Variants in SLC2A9 observed in about 807,000 individuals in gnomAD.
The protein encoded by SLC2A9 is solute carrier family 2, facilitated glucose transporter member 9.
SLC2A9 carries 39 observed loss-of-function variants against 50.6 expected under a neutral mutation model. That is an observed-to-expected ratio of 0.77 (90% CI 0.60 to 1.01). SLC2A9 has a LOEUF of 1.01. Ranked by LOEUF, SLC2A9 falls within the 50% of genes least tolerant of loss-of-function variation. SLC2A9 has a pLI of 0.00. For synonymous variants in SLC2A9, 324 were observed against 276.9 expected (o/e 1.17, Z -1.69); for missense variants, 686 against 677.6 (o/e 1.01, Z -0.14).
chr4:9,963,170 G>C (rs1406306814), intron 5 of SLC2A9, among the ~76,000 whole-genome samples: 1 of 152,176 alleles, frequency 6.6e-6, no homozygotes, highest in Non-Finnish European at 1.5e-5. Flanking sequence ...AGCATGTACA[G>C]GGGAGCTCCC....
At chr4:9,878,647 G>A (rs1734681093) in intron 10 of SLC2A9, among the ~76,000 whole-genome samples, 1 of 151,870 alleles carries the variant, frequency 6.6e-6, no homozygotes, top group African/African-American at 2.4e-5. Context: ...TTGTAAGTAG[G>A]GCACTTTCCT....
chr4:9,847,766 T>C (rs994789484), intron 10 of SLC2A9, among the ~76,000 whole-genome samples: 2 of 152,224 alleles, frequency 1.3e-5, no homozygotes, highest in African/African-American at 2.4e-5. Context: ...GCACTTTCTA[T>C]GTGTTCTTGA....
chr4:9,982,501 A>G (rs1057402251), intron 4 of SLC2A9, among the ~76,000 whole-genome samples: 3 of 152,204 alleles, frequency 2.0e-5, no homozygotes, highest in Admixed American at 2.0e-4. Context: ...TCCATCTTGG[A>G]ATGCAGCTTA....
chr4:9,818,251 T>C (rs1723906079), intron 3 of SLC2A9, among the ~76,000 whole-genome samples: 1 of 152,136 alleles, frequency 6.6e-6, no homozygotes, highest in Non-Finnish European at 1.5e-5. Context: ...CCTGGATCTG[T>C]TAAACAGGAA....
Position 9,810,100 on chromosome 4 carries a change from T to C in SLC2A9, n.421-10859A>G, listed in dbSNP as rs192365519. On this transcript the variant is annotated intron_variant and non_coding_transcript_variant, in intron 3 of 3. Coordinates refer to the SLC2A9 transcript ENST00000503280. The stretch of plus-strand genomic sequence containing the variant: ...TTGCACTGATCACCATTTGACCTAT[T>C]TGGTGGTCTATTTATTTGATTATTT... Among the ~76,000 whole-genome samples, 498 of 151,772 alleles carry C rather than the reference T, an allele frequency of 3.3e-3. 4 individuals are homozygous for C. The highest frequency in any genetic ancestry group is 0.011 in the African/African-American group (471 of 41,034).
Position 9,901,420 on chromosome 4 carries a change from A to T in SLC2A9, c.1113+6815T>A, listed in dbSNP as rs191628917. On this transcript the variant is annotated intron_variant, in intron 8 of 11. Transcript: ENST00000264784. ...TTCTAGAGCACATGTCAGTGTGATG[A>T]TTCACAGGGAAAACCGGCCTCTCTC... is the stretch of plus-strand genomic sequence containing the variant. Among the ~76,000 whole-genome samples, 8 of 152,242 alleles carry T rather than the reference A, an allele frequency of 5.3e-5. No homozygotes were observed. The East Asian group carries it at 1.5e-3, about 29-fold the overall frequency.
chr4:9,894,983 AC>A (rs1391497368), intron 8 of SLC2A9, among the ~76,000 whole-genome samples: 4 of 152,200 alleles, frequency 2.6e-5, no homozygotes, highest in Non-Finnish European at 5.9e-5. Flanking sequence ...ACATTGTTTT[AC>A]GGAAATTAAC....
At chr4:9,998,823 A>G (rs1216784967) in intron 2 of SLC2A9, among the ~76,000 whole-genome samples, 1 of 152,204 alleles carries the variant, frequency 6.6e-6, no homozygotes, top group East Asian at 1.9e-4. Flanking sequence ...CACAAACATG[A>G]ATGAATACAG....
downstream of SLC2A9, among the ~76,000 whole-genome samples, chr4:9,778,664 A>C (rs1158824871): frequency 6.6e-6 from 1 of 152,074 alleles, no homozygotes; most frequent in African/African-American, 2.4e-5. Context: ...AGGTCTAATA[A>C]TGTATCCATT....
At chr4:9,920,961 C>T (rs1172196313) in intron 6 of SLC2A9, among the ~76,000 whole-genome samples, 3 of 152,188 alleles carry the variant, frequency 2.0e-5, no homozygotes, top group Non-Finnish European at 2.9e-5. Context: ...ATATCATATA[C>T]ATTCAACCAT....
Position 9,834,856 on chromosome 4 carries a change from G to A in SLC2A9, c.1419+25C>T, listed in dbSNP as rs752385588. The A allele has an allele frequency of 3.1e-6, 5 of 1,613,992 alleles. No individual in the cohort carries two copies. The Admixed American group carries it at 5.0e-5, about 16-fold the overall frequency. On this transcript the variant is annotated intron_variant, in intron 11 of 11. Coordinates refer to ENST00000264784, the MANE Select transcript of SLC2A9 (RefSeq NM_020041.3). ...TGCAGAATCAAAGGGAACCCCATGG[G>A]CAAAAGACTCCTTGTCAGTCATACC... is the stretch of plus-strand genomic sequence containing the variant.
At chr4:9,808,554 A>C (rs1722427159) in intron 3 of SLC2A9, among the ~76,000 whole-genome samples, 1 of 152,006 alleles carries the variant, frequency 6.6e-6, no homozygotes, top group Non-Finnish European at 1.5e-5. Context: ...TATTACTGGG[A>C]CCCGCCTTCT....
At chr4:10,008,610 G>C (rs1761206625) in intron 2 of SLC2A9, among the ~76,000 whole-genome samples, 2 of 152,180 alleles carry the variant, frequency 1.3e-5, no homozygotes, top group South Asian at 4.1e-4. Flanking sequence ...AGCCAAAAAA[G>C]AGAGTATTAA....
rs373382084 is a variant in SLC2A9 at position 10,000,948 on chromosome 4, G to A, written c.250-4007C>T. ...AATCCACCCTCACTCATCCCTGACT[G>A]TTAGGGTTGAATTGTATCTAACCTC... On this transcript the variant is annotated intron_variant, in intron 2 of 11. Transcript: ENST00000264784. Among the ~76,000 whole-genome samples, 39 of 152,244 alleles carry A rather than the reference G, an allele frequency of 2.6e-4. No homozygotes were observed. The South Asian group carries it at 3.9e-3, about 15-fold the overall frequency.
chr4:9,801,427 T>C (rs1721388884), intron 3 of SLC2A9, among the ~76,000 whole-genome samples: 1 of 152,206 alleles, frequency 6.6e-6, no homozygotes. Flanking sequence ...GAAAAGCCAC[T>C]TGAGGGTGTG....
At chr4:9,963,236 G>C (rs1455191410) in intron 5 of SLC2A9, among the ~76,000 whole-genome samples, 1 of 152,184 alleles carries the variant, frequency 6.6e-6, no homozygotes, top group Non-Finnish European at 1.5e-5. Context: ...GAACAGTATA[G>C]GGGAAAGCAC....
intron 3 of SLC2A9, among the ~76,000 whole-genome samples, chr4:9,989,494 A>G (rs1757312142): frequency 6.6e-6 from 1 of 151,914 alleles, no homozygotes; most frequent in Admixed American, 6.6e-5. Context: ...AGGCAATCCC[A>G]AGAGACCCTT....
At chr4:9,970,602 A>G (rs1012713144) in intron 5 of SLC2A9, among the ~76,000 whole-genome samples, 2 of 151,994 alleles carry the variant, frequency 1.3e-5, no homozygotes, top group Admixed American at 6.6e-5. Flanking sequence ...AAACAAAAAG[A>G]GTTTGTGCTG....
downstream of SLC2A9, among the ~76,000 whole-genome samples, chr4:9,775,236 C>G (rs1482764984): frequency 6.6e-6 from 1 of 152,228 alleles, no homozygotes; most frequent in Non-Finnish European, 1.5e-5. Flanking sequence ...ATGACCCTCA[C>G]TTCTCACAGC....
Sources: allele counts gnomAD v4.1 joint callset (sites outside exome capture counted in the v4.1 genomes callset), GRCh38; gene constraint gnomAD v4.1.1; transcripts MANE v1.5; gene names NCBI Gene and HGNC (gene_info 2026-07-23, HGNC 2026-07-21).